Variants in TANC2 observed in about 807,000 individuals in gnomAD.
TANC2 encodes tetratricopeptide repeat, ankyrin repeat and coiled-coil containing 2.
In TANC2, 26 loss-of-function variants were observed where a neutral mutation model predicts 210.5. The ratio of observed to expected loss-of-function variants is 0.12; its 90% confidence interval spans 0.09 to 0.17. The LOEUF (loss-of-function observed/expected upper bound fraction) is 0.17, where lower values mean the gene tolerates loss of function less well. Ranked by LOEUF, TANC2 falls within the 10% of genes least tolerant of loss-of-function variation. TANC2 has a pLI of 1.00. For missense variants in TANC2, 2,129 were observed against 2,608.9 expected (o/e 0.82, Z 4.01); for synonymous variants, 931 against 967.1 (o/e 0.96, Z 0.69).
chr17:63,061,537 ATG>A lies in TANC2; in HGVS notation c.68-12392_68-12391del, dbSNP rs141384263. Among the ~76,000 whole-genome samples the A allele has an allele frequency of 2.6e-3, 397 of 151,668 alleles. 2 individuals carry two copies. The highest frequency in any genetic ancestry group is 8.9e-3 in the African/African-American group (371 of 41,454). ...ACTCTTGAAATACATAGTTTCAAGT[ATG>A]TGTGTGTGTGTGTTTATCCTTCCAT... On this transcript the variant is annotated intron_variant, in intron 2 of 27. Coordinates refer to ENST00000689528, the Ensembl canonical transcript of TANC2.
chr17:63,072,922 A>G (rs958072075), intron 2 of TANC2, among the ~76,000 whole-genome samples: 4 of 152,124 alleles, frequency 2.6e-5, no homozygotes, highest in African/African-American at 9.6e-5. Context: ...TTAAAAAGCA[A>G]TAGATGTTAC....
At chr17:63,321,267 A>G (rs1287102485) in intron 11 of TANC2, among the ~76,000 whole-genome samples, 2 of 151,896 alleles carry the variant, frequency 1.3e-5, no homozygotes, top group African/African-American at 2.4e-5. Flanking sequence ...TGTTTTCTAT[A>G]CTTTTGTTTT....
intron 4 of TANC2, among the ~76,000 whole-genome samples, chr17:63,123,398 A>T (rs554796884): frequency 1.1e-3 from 160 of 152,096 alleles, no homozygotes; most frequent in African/African-American, 3.7e-3. Flanking sequence ...TCTACTAAAA[A>T]TACAAAAAAA....
intron 7 of TANC2, among the ~76,000 whole-genome samples, chr17:63,221,752 A>T (rs750594105): frequency 6.6e-6 from 1 of 152,226 alleles, no homozygotes; most frequent in African/African-American, 2.4e-5. Context: ...AATACCAAAG[A>T]TTGGCAAAAA....
chr17:63,004,823 C>T (rs1337114281), intron 1 of TANC2: 2 of 321,872 alleles, frequency 6.2e-6, no homozygotes, highest in East Asian at 1.8e-4. Context: ...CTTTCTTTAC[C>T]AAGGGCCTTT....
intron 19 of TANC2, 148 bp downstream of exon 19, chr17:63,399,062 C>A: frequency 2.0e-6 from 1 of 498,016 alleles, no homozygotes; most frequent in Non-Finnish European, 3.6e-6. Context: ...ACTAAACAGT[C>A]AAGCAGTTTT....
At chr17:63,069,448 G>A (rs979908890) in intron 2 of TANC2, among the ~76,000 whole-genome samples, 2 of 152,128 alleles carry the variant, frequency 1.3e-5, no homozygotes, top group African/African-American at 4.8e-5. Context: ...AGACTACAAA[G>A]TGCTGTCACA....
chr17:63,386,875 C>T (rs548802122), intron 15 of TANC2, among the ~76,000 whole-genome samples: 1 of 151,906 alleles, frequency 6.6e-6, no homozygotes, highest in Non-Finnish European at 1.5e-5. Context: ...TTTTTTGAGA[C>T]AAAGCCTCAC....
In TANC2 at chr17:63,418,463, A is replaced by G; in HGVS notation, c.4268+56A>G. On this transcript the variant is annotated intron_variant, in intron 27 of 27. Coordinates refer to ENST00000689528, the Ensembl canonical transcript of TANC2. This position sits in a 1 kb window ranked among gnomAD's most constrained non-coding sequence, Gnocchi z 4.6. ...AGGTCTCTTTTCTGAAAATTTGGCC[A>G]AGGCAGCGTCGGCCACCCTGGGGCA... 1 of 1,536,954 alleles carries G rather than the reference A, an allele frequency of 6.5e-7. No individual in the cohort carries two copies. Among genetic ancestry groups the G allele is most frequent in the Non-Finnish European group, 8.8e-7 (1 of 1,130,932 alleles).
intron 7 of TANC2, among the ~76,000 whole-genome samples, chr17:63,209,528 A>G (rs2041822725): frequency 6.6e-6 from 1 of 151,876 alleles, no homozygotes; most frequent in South Asian, 2.1e-4. Flanking sequence ...CCACCTCCCG[A>G]GTTCAAGTGA....
chr17:63,275,671 C>T (rs948176150), intron 9 of TANC2, among the ~76,000 whole-genome samples: 4 of 152,086 alleles, frequency 2.6e-5, no homozygotes, highest in Admixed American at 2.0e-4. Context: ...TTCATCCCTA[C>T]AAGTAAGATT....
chr17:62,974,372 A>T (rs558802180), intron 1 of TANC2, among the ~76,000 whole-genome samples: 79 of 152,276 alleles, frequency 5.2e-4, no homozygotes, highest in Non-Finnish European at 5.9e-5. Context: ...CTCACATCTC[A>T]GTTTCTCATA....
intron 9 of TANC2, among the ~76,000 whole-genome samples, chr17:63,307,055 G>T (rs1197607159): frequency 3.3e-5 from 5 of 152,218 alleles, no homozygotes; most frequent in Non-Finnish European, 7.3e-5. Flanking sequence ...AAGGCCAGAA[G>T]AGCTGGGGCA....
At chr17:63,145,071 A>C (rs111493768) in intron 4 of TANC2, among the ~76,000 whole-genome samples, 24 of 150,554 alleles carry the variant, frequency 1.6e-4, no homozygotes, top group Middle Eastern at 6.8e-3. Flanking sequence ...ATTGTTCTTG[A>C]TCCCCCCACC....
At chr17:63,043,943 T>A (rs1400019746) in intron 2 of TANC2, among the ~76,000 whole-genome samples, 1 of 152,140 alleles carries the variant, frequency 6.6e-6, no homozygotes, top group Non-Finnish European at 1.5e-5. Flanking sequence ...CCCAGTTGAT[T>A]AAAACTTCTG....
At chr17:63,362,637 G>A (rs2046999406) in intron 14 of TANC2, among the ~76,000 whole-genome samples, 1 of 152,218 alleles carries the variant, frequency 6.6e-6, no homozygotes, top group Non-Finnish European at 1.5e-5. Context: ...AGGCAGCATG[G>A]GGCTGGCGTG....
At chr17:63,121,549 T>A (rs1295347774) in intron 4 of TANC2, among the ~76,000 whole-genome samples, 2 of 152,122 alleles carry the variant, frequency 1.3e-5, no homozygotes, top group Non-Finnish European at 2.9e-5. Context: ...CCTGAAGTGG[T>A]ACCCAAAAGG....
intron 8 of TANC2, among the ~76,000 whole-genome samples, chr17:63,240,173 A>G (rs780970487): frequency 2.6e-5 from 4 of 152,214 alleles, no homozygotes; most frequent in East Asian, 1.9e-4. Context: ...AAATAGAGGA[A>G]TGTAACTACC....
intron 19 of TANC2, chr17:63,399,429 A>G (rs1006463833): frequency 2.0e-5 from 3 of 152,338 alleles, no homozygotes; most frequent in African/African-American, 4.8e-5. Flanking sequence ...TGGATGCACA[A>G]TGAATGCCCA....
Sources: gnomAD v4.1 joint callset for allele counts (sites outside exome capture counted in the v4.1 genomes callset) on GRCh38, gnomAD v4.1.1 for gene constraint, Gnocchi (gnomAD v3.1) non-coding constraint, MANE v1.5 for transcripts, NCBI Gene and HGNC (gene_info 2026-07-23, HGNC 2026-07-21) for gene names.